The following WDR70 variants were observed in gnomAD, a reference collection of about 807,000 sequenced individuals.
WDR70 encodes the protein WD repeat-containing protein 70.
WDR70 carries 53 observed loss-of-function variants against 88.6 expected under a neutral mutation model. The observed-to-expected ratio is 0.60, with a 90% CI of 0.48 to 0.75. The LOEUF is 0.75. Ranked by LOEUF, WDR70 falls within the 30% of genes least tolerant of loss-of-function variation. WDR70 has a pLI of 0.00. For missense variants in WDR70, 610 were observed against 823.2 expected (o/e 0.74, Z 3.17); for synonymous variants, 280 against 270.0 (o/e 1.04, Z -0.36).
chr5:37,437,740 T>C (rs1159271859), intron 5 of WDR70, among the ~76,000 whole-genome samples, 182 bp from the exon 6 acceptor site: 1 of 152,268 alleles, frequency 6.6e-6, no homozygotes, highest in Middle Eastern at 3.4e-3. Flanking sequence ...CAGAGACCCA[T>C]TGTAGTGTAT....
intron 5 of WDR70, among the ~76,000 whole-genome samples, chr5:37,406,682 T>C (rs1749363263): frequency 6.6e-6 from 1 of 152,206 alleles, no homozygotes; most frequent in Non-Finnish European, 1.5e-5. Flanking sequence ...ATCATTAAGG[T>C]CATTTATTTC....
At chr5:37,632,145 G>A (rs1471953118) in intron 10 of WDR70, among the ~76,000 whole-genome samples, 1 of 152,146 alleles carries the variant, frequency 6.6e-6, no homozygotes, top group Non-Finnish European at 1.5e-5. Context: ...TGATGTCATA[G>A]CCATCTTAAC....
At chr5:37,451,573 A>G (rs1047503000) in intron 7 of WDR70, among the ~76,000 whole-genome samples, 2 of 152,208 alleles carry the variant, frequency 1.3e-5, no homozygotes, top group African/African-American at 4.8e-5. Context: ...AAGTGGCCAA[A>G]TCCAGTGCAC....
At chr5:37,595,730 G>T (rs1161480811) in intron 9 of WDR70, among the ~76,000 whole-genome samples, 1 of 152,152 alleles carries the variant, frequency 6.6e-6, no homozygotes, top group Non-Finnish European at 1.5e-5. Context: ...TTTACAAGAA[G>T]AGCTCCTTGA....
chr5:37,681,415 G>A (rs915373140), intron 10 of WDR70, among the ~76,000 whole-genome samples: 5 of 152,006 alleles, frequency 3.3e-5, no homozygotes, highest in African/African-American at 9.7e-5. Context: ...TTGGATGCCC[G>A]TTATTTCTTT....
At chr5:37,562,935 C>G (rs910477832) in intron 9 of WDR70, among the ~76,000 whole-genome samples, 1 of 151,066 alleles carries the variant, frequency 6.6e-6, no homozygotes, top group Non-Finnish European at 1.5e-5. Flanking sequence ...CCGTTGTCAT[C>G]ATGGCCCGTT....
rs535922075 is a variant in WDR70 at position 37,559,946 on chromosome 5, G to A, written c.917+43356G>A. Reference sequence around the variant, plus strand: ...AATTGTTTTTCTTATATTTAAAAATGTCACCTGTTTTAGTTTCTTGTTTTG... The same window carrying A: ...AATTGTTTTTCTTATATTTAAAAATATCACCTGTTTTAGTTTCTTGTTTTG... On this transcript the variant is annotated intron_variant, in intron 9 of 17. Transcript: ENST00000265107. Among the ~76,000 whole-genome samples, 20 of 151,306 alleles carry A rather than the reference G, an allele frequency of 1.3e-4. No individual in the cohort carries two copies. The East Asian group carries it at 3.9e-3, about 29-fold the overall frequency.
chr5:37,563,606 A>C (rs1339498007), intron 9 of WDR70, among the ~76,000 whole-genome samples: 6 of 36,572 alleles, frequency 1.6e-4, no homozygotes, highest in African/African-American at 2.0e-4. Flanking sequence ...GGGCGGGGGG[A>C]TGACCCCCCC....
At chr5:37,697,526 T>C in intron 10 of WDR70, 129 bp from the exon 11 acceptor site, 2 of 661,074 alleles carry the variant, frequency 3.0e-6, no homozygotes, top group Non-Finnish European at 2.5e-6. Flanking sequence ...ATTATAATCA[T>C]GTGAAATTAG....
intron 5 of WDR70, among the ~76,000 whole-genome samples, chr5:37,403,250 C>T (rs888102868): frequency 6.6e-6 from 1 of 152,042 alleles, no homozygotes; most frequent in Non-Finnish European, 1.5e-5. Flanking sequence ...GCCCGGTCCC[C>T]AATCTTTCTA....
rs994008255 is a variant in WDR70 at position 37,626,490 on chromosome 5, T to G, written c.1092+21252T>G. ...TGATTATGATGTATCCTCTTACTGA[T>G]GTGTTGTTAGAACTCAGCTTGTTAG... On this transcript the variant is annotated intron_variant, in intron 10 of 17. Transcript: ENST00000265107. 5.9e-5 allele frequency among the ~76,000 whole-genome samples: 9 copies of G among 152,312 alleles called. No individual in the cohort carries two copies. The South Asian group carries it at 1.9e-3, about 32-fold the overall frequency.
At chr5:37,602,596 A>T (rs1743918835) in intron 9 of WDR70, among the ~76,000 whole-genome samples, 1 of 151,862 alleles carries the variant, frequency 6.6e-6, no homozygotes. Context: ...ACTACACTCC[A>T]GCTTGGGTGA....
chr5:37,495,868 A>G (rs1216523884), intron 8 of WDR70, among the ~76,000 whole-genome samples: 1 of 152,218 alleles, frequency 6.6e-6, no homozygotes, highest in Admixed American at 6.5e-5. Context: ...GGCACTTAAC[A>G]TTCCCATTGC....
chr5:37,581,063 A>C (rs1189432966), intron 9 of WDR70, among the ~76,000 whole-genome samples: 2 of 152,232 alleles, frequency 1.3e-5, no homozygotes, highest in Non-Finnish European at 2.9e-5. Flanking sequence ...GACTATGACA[A>C]AATTGGAGAC....
At chr5:37,727,414 A>G (rs1304558736) in intron 17 of WDR70, among the ~76,000 whole-genome samples, 1 of 152,118 alleles carries the variant, frequency 6.6e-6, no homozygotes, top group African/African-American at 2.4e-5. Flanking sequence ...ACTCACTTTT[A>G]TTTATAGAGC....
chr5:37,684,978 A>T (rs1746538632), intron 10 of WDR70, among the ~76,000 whole-genome samples: 1 of 152,166 alleles, frequency 6.6e-6, no homozygotes, highest in African/African-American at 2.4e-5. Flanking sequence ...TGGTATTAGC[A>T]TGGGGTTAGG....
In WDR70 at chr5:37,608,133, C is replaced by G. The variant is rs987026860; in HGVS notation, c.1092+2895C>G. 3.3e-5 allele frequency among the ~76,000 whole-genome samples: 5 copies of G among 151,612 alleles called. No individual in the cohort carries two copies. In the East Asian group the frequency reaches 9.7e-4, roughly 29 times the overall value. Reference sequence around the variant, plus strand: ...CTTGGCTCACTGCTACCTCCACCTCCCGGATTCAAGTGGTTCTTCTGCCTC... The same window carrying G: ...CTTGGCTCACTGCTACCTCCACCTCGCGGATTCAAGTGGTTCTTCTGCCTC... On this transcript the variant is annotated intron_variant, in intron 10 of 17. Transcript: ENST00000265107.
chr5:37,421,408 T>C (rs1319394070), intron 5 of WDR70, among the ~76,000 whole-genome samples: 2 of 152,264 alleles, frequency 1.3e-5, no homozygotes, highest in South Asian at 2.1e-4. Flanking sequence ...TGGCATTCTA[T>C]GTAAGCTGTG....
chr5:37,697,694 G>A lies in WDR70; in HGVS notation c.1132G>A (p.Gly378Ser). ...KFHYKQAHDS[G>S]TDTSCVTFSY... ...CCACTATAAACAGGCTCATGACTCGGGCACAGACACTTCTTGCGTGACTTT... is the reference window on the plus strand; with the variant it reads ...CCACTATAAACAGGCTCATGACTCGAGCACAGACACTTCTTGCGTGACTTT... The change falls in exon 11 of 18, where the codon GGC becomes AGC. Residue 378 changes from glycine (G) to serine (S), a missense_variant. Gly to Ser is a moderately conservative substitution (Grantham distance 56, BLOSUM62 0). Transcript: ENST00000265107. 6.2e-7 allele frequency: 1 copy of A among 1,613,720 alleles called. No homozygotes were observed. The highest frequency in any genetic ancestry group is 8.5e-7 in the Non-Finnish European group (1 of 1,179,778).
Sources: gnomAD v4.1 joint callset for allele counts (sites outside exome capture counted in the v4.1 genomes callset) on GRCh38, gnomAD v4.1.1 for gene constraint, MANE v1.5 for transcripts, NCBI Gene and HGNC (gene_info 2026-07-23, HGNC 2026-07-21) for gene names.